Variants in CDK14 observed in about 807,000 individuals in gnomAD.
The protein encoded by CDK14 is cyclin dependent kinase 14, also known as cyclin-dependent kinase 14.
CDK14 carries 34 observed loss-of-function variants against 60.7 expected under a neutral mutation model. The observed-to-expected ratio is 0.56, with a 90% CI of 0.43 to 0.75. The LOEUF is 0.75. Among genes scored for constraint, CDK14 ranks in the 30% least tolerant of loss-of-function variants. CDK14 has a pLI of 0.00. For missense variants in CDK14, 482 were observed against 564.1 expected, an observed-to-expected ratio of 0.85 and a Z score of 1.47; for synonymous variants, 197 against 203.7, an observed-to-expected ratio of 0.97 and a Z score of 0.28.
chr7:91,101,930 A>C (rs1255273264), intron 12 of CDK14, among the ~76,000 whole-genome samples: 1 of 152,218 alleles, frequency 6.6e-6, no homozygotes, highest in Non-Finnish European at 1.5e-5. Flanking sequence ...AGCTTTGATA[A>C]GAGGGGGTTA....
chr7:90,828,855 C>G (rs1297642658), intron 5 of CDK14, among the ~76,000 whole-genome samples: 1 of 152,136 alleles, frequency 6.6e-6, no homozygotes, highest in Non-Finnish European at 1.5e-5. Flanking sequence ...AGGTTTTTCA[C>G]AAAAGTTTCA....
At chr7:91,125,163 C>T in intron 14 of CDK14, among the ~76,000 whole-genome samples, 1 of 152,076 alleles carries the variant, frequency 6.6e-6, no homozygotes, top group East Asian at 1.9e-4. Flanking sequence ...TCCCGCTGTC[C>T]CATGGATACT....
At chr7:91,169,012 G>A (rs528570021) in intron 14 of CDK14, among the ~76,000 whole-genome samples, 4 of 152,210 alleles carry the variant, frequency 2.6e-5, no homozygotes, top group African/African-American at 7.2e-5. Flanking sequence ...CATCAGCCTC[G>A]CATGTTTTCC....
chr7:90,792,805 A>G (rs531639752), intron 5 of CDK14, among the ~76,000 whole-genome samples: 1 of 151,248 alleles, frequency 6.6e-6, no homozygotes, highest in African/African-American at 2.4e-5. Flanking sequence ...TATTATGTCA[A>G]TCCCCTTATT....
At chr7:90,845,413 A>G (rs1790434041) in intron 5 of CDK14, among the ~76,000 whole-genome samples, 1 of 152,056 alleles carries the variant, frequency 6.6e-6, no homozygotes, top group African/African-American at 2.4e-5. Flanking sequence ...ACTATTATAT[A>G]GAAATATTCT....
intron 4 of CDK14, among the ~76,000 whole-genome samples, chr7:90,781,656 C>T (rs1399062744): frequency 6.6e-6 from 1 of 151,208 alleles, no homozygotes; most frequent in African/African-American, 2.4e-5. Context: ...TTTCCCAGCA[C>T]CATGTATTAA....
At chr7:90,974,365 A>G (rs890336764) in intron 9 of CDK14, among the ~76,000 whole-genome samples, 9 of 152,126 alleles carry the variant, frequency 5.9e-5, no homozygotes, top group African/African-American at 1.4e-4. Flanking sequence ...GGCGACATAC[A>G]TCCTCAGCTT....
chr7:90,757,309 T>C (rs544897122), intron 4 of CDK14, among the ~76,000 whole-genome samples: 1 of 151,328 alleles, frequency 6.6e-6, no homozygotes, highest in Non-Finnish European at 1.5e-5. Context: ...TATATTTGAT[T>C]AAGGTCCACC....
intron 2 of CDK14, 32 bp downstream of exon 2, chr7:90,604,281 G>T (rs17875049): frequency 1.4e-5 from 19 of 1,406,146 alleles, no homozygotes; most frequent in Non-Finnish European, 1.7e-5. Context: ...AATGTTAGAT[G>T]TATTTAATGA....
intron 3 of CDK14, among the ~76,000 whole-genome samples, chr7:90,744,279 T>G (rs1327948428): frequency 6.6e-6 from 1 of 152,184 alleles, no homozygotes; most frequent in South Asian, 2.1e-4. Flanking sequence ...TTAATCCATT[T>G]AACCCTGAGT....
chr7:91,094,763 A>G (rs922696022), intron 12 of CDK14, among the ~76,000 whole-genome samples: 4 of 152,096 alleles, frequency 2.6e-5, no homozygotes, highest in African/African-American at 9.7e-5. Flanking sequence ...AAGATAAATA[A>G]CACTTTAATG....
chr7:90,807,603 A>G (rs1385300871), intron 5 of CDK14, among the ~76,000 whole-genome samples: 1 of 152,238 alleles, frequency 6.6e-6, no homozygotes, highest in Non-Finnish European at 1.5e-5. Flanking sequence ...GCAACGGAAC[A>G]AAGCTGGACA....
chr7:90,882,131 C>T (rs1791776632), intron 6 of CDK14, among the ~76,000 whole-genome samples: 1 of 151,998 alleles, frequency 6.6e-6, no homozygotes, highest in African/African-American at 2.4e-5. Context: ...AATTAAAAGA[C>T]ACAGACTGGC....
chr7:90,833,428 GAT>G (rs1399022849), intron 5 of CDK14, among the ~76,000 whole-genome samples: 1 of 152,156 alleles, frequency 6.6e-6, no homozygotes, highest in Admixed American at 6.5e-5. Flanking sequence ...TAGGGACTTT[GAT>G]ATGTTTTCCT....
intron 1 of CDK14, among the ~76,000 whole-genome samples, chr7:90,602,651 T>C (rs1799339971): frequency 6.6e-6 from 1 of 152,186 alleles, no homozygotes; most frequent in East Asian, 1.9e-4. Flanking sequence ...TTAATGTAGG[T>C]TATTTTAGTT....
At chr7:90,903,503 G>A (rs1464244298) in intron 7 of CDK14, among the ~76,000 whole-genome samples, 1 of 152,104 alleles carries the variant, frequency 6.6e-6, no homozygotes. Context: ...ATATATGGGA[G>A]CTAAAAAAGT....
intron 6 of CDK14, among the ~76,000 whole-genome samples, chr7:90,889,377 A>G (rs1792045659): frequency 6.6e-6 from 1 of 152,198 alleles, no homozygotes; most frequent in Non-Finnish European, 1.5e-5. Context: ...GGGATTTTTC[A>G]GGTTGCTGGT....
chr7:90,781,593 A>G (rs887014518), intron 4 of CDK14, among the ~76,000 whole-genome samples: 11 of 148,924 alleles, frequency 7.4e-5, no homozygotes, highest in African/African-American at 1.5e-4. Flanking sequence ...TAATTTTTGT[A>G]TAAGGTGTAA....
chr7:90,721,040 T>A (rs943448231), intron 2 of CDK14, among the ~76,000 whole-genome samples: 4 of 152,156 alleles, frequency 2.6e-5, no homozygotes, highest in Non-Finnish European at 5.9e-5. Context: ...TTCACATAGG[T>A]TTTCTTTTTA....
Sources: gnomAD v4.1 joint callset for allele counts (sites outside exome capture counted in the v4.1 genomes callset) on GRCh38, gnomAD v4.1.1 for gene constraint, MANE v1.5 for transcripts, NCBI Gene and HGNC (gene_info 2026-07-23, HGNC 2026-07-21) for gene names.